The following HMGXB3 variants were observed in gnomAD, a reference collection of about 807,000 sequenced individuals.
HMGXB3 encodes the protein HMG-box containing 3.
Under a neutral mutation model 121.5 loss-of-function variants are expected in HMGXB3, and 45 were observed. That is an observed-to-expected ratio of 0.37 (90% confidence interval 0.29 to 0.47). The LOEUF is 0.47. Ranked by LOEUF, HMGXB3 falls within the 20% of genes least tolerant of loss-of-function variation. HMGXB3 has a pLI of 0.99. For missense variants in HMGXB3, 1,376 were observed against 1,602.2 expected (o/e 0.86, Z 2.41); for synonymous variants, 590 against 624.1 (o/e 0.95, Z 0.81).
intron 4 of HMGXB3, among the ~76,000 whole-genome samples, chr5:150,011,501 C>T (rs905653817): frequency 2.0e-5 from 3 of 152,094 alleles, no homozygotes; most frequent in Non-Finnish European, 4.4e-5. Context: ...AGTACCCCTG[C>T]AATCTGTCCC....
At chr5:150,030,713 G>T in intron 9 of HMGXB3, 28 bp from the exon 10 acceptor site, 1 of 1,512,550 alleles carries the variant, frequency 6.6e-7, no homozygotes, top group Non-Finnish European at 9.0e-7. Context: ...AGGTTCAAAA[G>T]CACTAAATAA....
intron 7 of HMGXB3, 25 bp downstream of exon 7, chr5:150,024,705 T>C (rs1240331143): frequency 1.1e-5 from 17 of 1,489,136 alleles, no homozygotes; most frequent in Middle Eastern, 1.8e-4. Flanking sequence ...TTGTATAATA[T>C]AGGGCTTTGG....
At position 150,024,573 on chromosome 5, in the gene HMGXB3, G is replaced by A. The variant is rs1233979817; in HGVS notation, c.1353G>A (p.Glu451=). The change falls in exon 7 of 20, where the codon GAG becomes GAA. Residue 451 remains glutamate, a synonymous_variant. Transcript: ENST00000502717. ...TCGTCAAAAGTGGTGTGCAGCCTGA[G>A]GTCACTCTGGGGACAACTGACAATG... is the stretch of plus-strand genomic sequence containing the variant. ...TPVVKSGVQP[E]VTLGTTDNDS... The A allele has an allele frequency of 3.2e-6, 5 of 1,551,748 alleles. No individual in the cohort carries two copies. The highest frequency in any genetic ancestry group is 4.4e-6 in the Non-Finnish European group (5 of 1,147,002).
intron 10 of HMGXB3, among the ~76,000 whole-genome samples, chr5:150,031,259 C>T (rs1001571144): frequency 1.3e-5 from 2 of 152,212 alleles, no homozygotes; most frequent in Non-Finnish European, 2.9e-5. Context: ...TAGAGAAGTA[C>T]TTTAGTAAAG....
At chr5:150,023,063 A>T (rs188869381) in intron 6 of HMGXB3, among the ~76,000 whole-genome samples, 4 of 132,572 alleles carry the variant, frequency 3.0e-5, no homozygotes, top group African/African-American at 8.9e-5. Context: ...TCCTGGGCTT[A>T]GGTGAGCCTC....
In HMGXB3 at chr5:150,010,479, C is replaced by G. The variant is rs1401691355; in HGVS notation, c.681C>G (p.His227Gln). The G allele has an allele frequency of 6.4e-7, 1 of 1,551,664 alleles. No homozygotes were observed. The highest frequency in any genetic ancestry group is 2.0e-5 in the Admixed American group (1 of 51,004). ...CTTCCCTAGAAGTAGGGGAGAGCCA[C>G]CAACCTTACCAGACAAGCCTGGTAA... Reference protein sequence around the residue: ...EDASLEVGESHQPYQTSLVIE... With the variant: ...EDASLEVGESQQPYQTSLVIE... The change falls in exon 4 of 20, where the codon CAC becomes CAG. Residue 227 changes from histidine (H) to glutamine (Q), a missense_variant. By Grantham distance (24) the His-to-Gln change is conservative (BLOSUM62 0). Around this residue, in one of 2 missense-constraint regions of HMGXB3, gnomAD observed 1,116 missense variants for 1,369.0 expected, o/e 0.82. Coordinates refer to ENST00000502717, the MANE Select transcript of HMGXB3 (RefSeq NM_014983.3).
At chr5:150,019,841 C>T (rs1346706026) in intron 6 of HMGXB3, among the ~76,000 whole-genome samples, 7 of 152,190 alleles carry the variant, frequency 4.6e-5, no homozygotes, top group Admixed American at 2.6e-4. Flanking sequence ...TTTCACATCT[C>T]TTTGAGAAAT....
At position 150,028,559 on chromosome 5, in the gene HMGXB3, ATTTT is replaced by A. The variant is rs55858256; in HGVS notation, c.1734+1458_1734+1461del. 3.8e-3 allele frequency among the ~76,000 whole-genome samples: 146 copies of A among 38,898 alleles called. 1 individual carries two copies. Among genetic ancestry groups the A allele is most frequent in the Non-Finnish European group, 5.7e-3 (121 of 21,354 alleles). The allele number at this position is 38,898 out of a possible 152,430, so 25.5% of individuals were successfully genotyped here. A position where few individuals can be genotyped will look rare whatever the true frequency, so the allele number is the denominator to read the frequency against. On this transcript the variant is annotated intron_variant, in intron 9 of 19. Coordinates refer to ENST00000502717, the MANE Select transcript of HMGXB3 (RefSeq NM_014983.3). ...TGTGTGTGTATATATATATATATAT[ATTTT>A]TTTTTTTTTTTTTTTCCTCCAGAAA...
At chr5:150,021,326 A>T (rs1202994798) in intron 6 of HMGXB3, among the ~76,000 whole-genome samples, 6 of 152,212 alleles carry the variant, frequency 3.9e-5, no homozygotes, top group Non-Finnish European at 8.8e-5. Flanking sequence ...GCTAAGGAAA[A>T]ATAGATTTTG....
At chr5:150,023,507 A>G (rs764721785) in intron 6 of HMGXB3, among the ~76,000 whole-genome samples, 9 of 152,220 alleles carry the variant, frequency 5.9e-5, no homozygotes, top group Non-Finnish European at 1.2e-4. Flanking sequence ...CTTTCTGAAG[A>G]CAACCACTAT....
intron 16 of HMGXB3, among the ~76,000 whole-genome samples, chr5:150,047,306 G>C (rs946673834): frequency 1.3e-4 from 20 of 152,144 alleles, no homozygotes; most frequent in Admixed American, 1.2e-3. Context: ...TTTTCTTATT[G>C]ATGCAGTCAT....
At chr5:150,004,507 C>T (rs1031668271) in intron 1 of HMGXB3, among the ~76,000 whole-genome samples, 3 of 151,976 alleles carry the variant, frequency 2.0e-5, no homozygotes, top group African/African-American at 4.8e-5. Context: ...GCTAATAAAT[C>T]TTTGTGTTAA....
chr5:150,024,200 T>C (rs1261942878), intron 6 of HMGXB3, 62 bp from the exon 7 acceptor site: 2 of 1,275,166 alleles, frequency 1.6e-6, no homozygotes, highest in Non-Finnish European at 2.1e-6. Context: ...AATGAGAGAA[T>C]GTTTGTGAAT....
At chr5:150,049,606 A>C (rs892396241) in intron 18 of HMGXB3, among the ~76,000 whole-genome samples, 3 of 152,218 alleles carry the variant, frequency 2.0e-5, no homozygotes, top group African/African-American at 7.2e-5. Flanking sequence ...AATTGTGTTC[A>C]TGCGACAGGG....
intron 13 of HMGXB3, among the ~76,000 whole-genome samples, chr5:150,038,151 CTAT>C (rs1756541150): frequency 1.3e-5 from 2 of 152,182 alleles, no homozygotes; most frequent in South Asian, 4.1e-4. Flanking sequence ...CTTTCCTCCC[CTAT>C]TATTCATCAA....
intron 7 of HMGXB3, among the ~76,000 whole-genome samples, 164 bp from the exon 8 acceptor site, chr5:150,026,542 C>T (rs1449733344): frequency 6.6e-6 from 1 of 152,174 alleles, no homozygotes; most frequent in Admixed American, 6.5e-5. Flanking sequence ...ATTACTTGTC[C>T]AGGGCCACAC....
At chr5:150,045,800 C>T in intron 16 of HMGXB3, 115 bp downstream of exon 16, 1 of 753,920 alleles carries the variant, frequency 1.3e-6, no homozygotes, top group South Asian at 1.7e-5. Flanking sequence ...CGCTGCAGGA[C>T]TCCTTTCAGA....
chr5:150,022,085 A>G (rs912295148), intron 6 of HMGXB3, among the ~76,000 whole-genome samples: 1 of 152,044 alleles, frequency 6.6e-6, no homozygotes, highest in Admixed American at 6.6e-5. Flanking sequence ...TGATTATTTT[A>G]TTTTTATTTT....
At chr5:150,020,360 C>A (rs1422461448) in intron 6 of HMGXB3, among the ~76,000 whole-genome samples, 1 of 152,240 alleles carries the variant, frequency 6.6e-6, no homozygotes, top group Non-Finnish European at 1.5e-5. Flanking sequence ...AGTTCTCTAA[C>A]TGCAGTGGGG....
Sources: allele counts gnomAD v4.1 joint callset (sites outside exome capture counted in the v4.1 genomes callset), GRCh38; gene constraint gnomAD v4.1.1; regional missense constraint gnomAD v4.1.1; transcripts MANE v1.5; gene names NCBI Gene and HGNC (gene_info 2026-07-23, HGNC 2026-07-21).